The following RIMS2 variants were observed in gnomAD, a reference collection of about 807,000 sequenced individuals.
RIMS2 encodes regulating synaptic membrane exocytosis protein 2.
In RIMS2, 59 loss-of-function variants were observed where a neutral mutation model predicts 174.4. The observed-to-expected ratio is 0.34, with a 90% CI of 0.27 to 0.42. RIMS2 has a LOEUF of 0.42. Among genes scored for constraint, RIMS2 ranks in the 10% least tolerant of loss-of-function variants. The probability of loss-of-function intolerance (pLI) is 1.00; values close to 1 mark genes in which losing one functional copy is unlikely to be tolerated. For missense variants in RIMS2, 1,620 were observed against 1,666.3 expected, an observed-to-expected ratio of 0.97 and a Z score of 0.48; for synonymous variants, 606 against 572.5, an observed-to-expected ratio of 1.06 and a Z score of -0.84.
rs141189312 is a variant in RIMS2, at chr8:103,917,230, T to C, written c.2036+693T>C. Among the ~76,000 whole-genome samples, 469 of 152,290 alleles carry C rather than the reference T, an allele frequency of 3.1e-3. 4 individuals are homozygous for C. The highest frequency in any genetic ancestry group is 0.011 in the African/African-American group (442 of 41,572). On this transcript the variant is annotated intron_variant, in intron 8 of 23. Transcript: ENST00000504942. ...ACATGCAGATTTGGGGTAAGAGCAT[T>C]CTAGGGTGAAGCCTACAGAAATCCT... is the stretch of plus-strand genomic sequence containing the variant.
chr8:103,848,216 T>C (rs575705671), intron 3 of RIMS2, among the ~76,000 whole-genome samples: 67 of 152,180 alleles, frequency 4.4e-4, no homozygotes, highest in African/African-American at 1.5e-3. Flanking sequence ...TGGGAGGATT[T>C]CTTCTCATTA....
rs185693269 is a variant in RIMS2 at position 103,542,608 on chromosome 8, A to T, written c.176+41546A>T. On this transcript the variant is annotated intron_variant, in intron 1 of 23. Coordinates refer to ENST00000504942, the Ensembl canonical transcript of RIMS2. ...AGGCCAATATTCTTGATGAGCATAG[A>T]TGCAGAAATCCTCAATGAAATACTA... is the stretch of plus-strand genomic sequence containing the variant. 3.3e-3 allele frequency among the ~76,000 whole-genome samples: 506 copies of T among 152,358 alleles called. 1 individual carries two copies. Among genetic ancestry groups the T allele is most frequent in the African/African-American group, 0.011 (472 of 41,592 alleles).
At chr8:103,622,354 A>G (rs562548291) in intron 1 of RIMS2, among the ~76,000 whole-genome samples, 80 of 152,178 alleles carry the variant, frequency 5.3e-4, no homozygotes, top group Non-Finnish European at 9.6e-4. Flanking sequence ...TATTATCTGG[A>G]AGATTACCTC....
chr8:103,596,892 C>T (rs1189020063), intron 1 of RIMS2, among the ~76,000 whole-genome samples: 1 of 152,026 alleles, frequency 6.6e-6, no homozygotes, highest in East Asian at 1.9e-4. Flanking sequence ...ATTTGCTGAG[C>T]TCTATTGGAA....
chr8:104,093,344 A>T, intron 19 of RIMS2, 127 bp from the exon 24 acceptor site: 1 of 605,292 alleles, frequency 1.7e-6, no homozygotes, highest in Non-Finnish European at 2.8e-6. Flanking sequence ...TTTGTTTTAT[A>T]TGCAACTGAG....
intron 1 of RIMS2, among the ~76,000 whole-genome samples, chr8:103,547,246 C>T (rs984043079): frequency 1.3e-5 from 2 of 152,060 alleles, no homozygotes; most frequent in Non-Finnish European, 2.9e-5. Flanking sequence ...TCATGTTATC[C>T]TTCCCAAAGT....
chr8:103,913,265 A>G (rs769717422), intron 6 of RIMS2, among the ~76,000 whole-genome samples: 23 of 151,556 alleles, frequency 1.5e-4, no homozygotes, highest in Non-Finnish European at 2.9e-4. Context: ...GGCGTGAGCC[A>G]CTGCGCTCAG....
At chr8:104,246,099 A>G (rs977551236) in intron 20 of RIMS2, among the ~76,000 whole-genome samples, 1 of 152,238 alleles carries the variant, frequency 6.6e-6, no homozygotes, top group Non-Finnish European at 1.5e-5. Context: ...GGGATATAAA[A>G]ATGTTTACAC....
chr8:103,670,920 C>T (rs968725439), intron 1 of RIMS2, among the ~76,000 whole-genome samples: 2 of 152,148 alleles, frequency 1.3e-5, no homozygotes, highest in African/African-American at 4.8e-5. Flanking sequence ...TTTACAGTAG[C>T]ACCCCACTCT....
chr8:104,244,780 T>G (rs566962427), intron 19 of RIMS2, 136 bp from the exon 26 acceptor site: 4 of 673,410 alleles, frequency 5.9e-6, no homozygotes. Flanking sequence ...TTAAATACCT[T>G]TTCTTTCTGC....
At chr8:103,927,919 A>C in intron 11 of RIMS2, 1 of 1,589,982 alleles carries the variant, frequency 6.3e-7, no homozygotes, top group Admixed American at 1.7e-5. Flanking sequence ...GATAGAAACT[A>C]AAGTTGTGTT....
chr8:103,503,612 G>A (rs1821731886), intron 1 of RIMS2, among the ~76,000 whole-genome samples: 1 of 151,932 alleles, frequency 6.6e-6, no homozygotes, highest in Admixed American at 6.6e-5. Context: ...TTAAATGCAT[G>A]TCTGCTGCCT....
intron 3 of RIMS2, among the ~76,000 whole-genome samples, chr8:103,876,740 A>G (rs976281455): frequency 4.0e-5 from 6 of 150,248 alleles, no homozygotes; most frequent in African/African-American, 1.2e-4. Flanking sequence ...ATAGGCTCCA[A>G]TCCCATCCAG....
At chr8:103,750,620 G>A (rs1237631623) in intron 2 of RIMS2, among the ~76,000 whole-genome samples, 2 of 152,058 alleles carry the variant, frequency 1.3e-5, no homozygotes, top group Admixed American at 6.5e-5. Flanking sequence ...GAAATCATTG[G>A]ATCATGGAAG....
intron 19 of RIMS2, among the ~76,000 whole-genome samples, chr8:104,050,585 T>A (rs1279169114): frequency 6.6e-6 from 1 of 152,154 alleles, no homozygotes; most frequent in Non-Finnish European, 1.5e-5. Context: ...CTAAGGGAAT[T>A]AAAGTTTAGA....
intron 1 of RIMS2, among the ~76,000 whole-genome samples, chr8:103,601,735 T>C (rs563920398): frequency 3.4e-4 from 52 of 152,216 alleles, no homozygotes; most frequent in Non-Finnish European, 5.9e-4. Flanking sequence ...GTCTTCTCTT[T>C]CCTGTCTTTT....
chr8:103,992,090 C>G (rs900913498), intron 17 of RIMS2, among the ~76,000 whole-genome samples: 1 of 151,852 alleles, frequency 6.6e-6, no homozygotes, highest in African/African-American at 2.4e-5. Flanking sequence ...TCAGCCAGTT[C>G]ACTTAGTGTT....
chr8:103,778,392 A>G (rs1354952287), intron 3 of RIMS2, among the ~76,000 whole-genome samples: 1 of 152,032 alleles, frequency 6.6e-6, no homozygotes, highest in East Asian at 1.9e-4. Flanking sequence ...TCCATTTATC[A>G]ACCTCCTTAT....
intron 1 of RIMS2, among the ~76,000 whole-genome samples, chr8:103,590,322 AATCATTAT>A (rs1310486102): frequency 6.6e-6 from 1 of 151,434 alleles, no homozygotes; most frequent in Admixed American, 6.6e-5. Flanking sequence ...AGGATACAAA[AATCATTAT>A]ACAGAAATCA....
Sources: gnomAD v4.1 joint callset for allele counts (sites outside exome capture counted in the v4.1 genomes callset) on GRCh38, gnomAD v4.1.1 for gene constraint, MANE v1.5 for transcripts, NCBI Gene and HGNC (gene_info 2026-07-23, HGNC 2026-07-21) for gene names.